Variants in LHFPL3 observed in about 807,000 individuals in gnomAD.
The protein encoded by LHFPL3 is LHFPL tetraspan subfamily member 3, also known as LHFPL tetraspan subfamily member 3 protein.
A neutral mutation model predicts 19.3 loss-of-function variants in LHFPL3; 5 were observed. That is an observed-to-expected ratio of 0.26 (90% CI 0.14 to 0.54). The LOEUF (loss-of-function observed/expected upper bound fraction) is 0.54. LHFPL3 is among the 20% of genes least tolerant of loss of function. The pLI is 0.94. For synonymous variants in LHFPL3, 133 were observed against 126.2 expected (o/e 1.05, Z -0.36); for missense variants, 249 against 307.4 (o/e 0.81, Z 1.42).
chr7:104,368,964 A>G (rs755186576), intron 1 of LHFPL3, among the ~76,000 whole-genome samples: 1 of 152,202 alleles, frequency 6.6e-6, no homozygotes, highest in East Asian at 1.9e-4. Context: ...TACATCTTCT[A>G]TAAACTTATT....
chr7:104,685,120 G>A (rs895124346), intron 1 of LHFPL3, among the ~76,000 whole-genome samples: 9 of 152,090 alleles, frequency 5.9e-5, no homozygotes, highest in East Asian at 1.9e-4. Context: ...AGGCCGAGGC[G>A]GGTGAATCAC....
intron 2 of LHFPL3, among the ~76,000 whole-genome samples, chr7:104,789,588 T>G (rs1789983687): frequency 6.6e-6 from 1 of 152,152 alleles, no homozygotes; most frequent in Non-Finnish European, 1.5e-5. Context: ...GCTCCTATTT[T>G]CGAGTGTCAG....
At chr7:104,720,316 G>T (rs567959380) in intron 1 of LHFPL3, among the ~76,000 whole-genome samples, 2 of 152,306 alleles carry the variant, frequency 1.3e-5, no homozygotes, top group African/African-American at 4.8e-5. Flanking sequence ...AATAAATGGT[G>T]CTGGGAAAAC....
intron 2 of LHFPL3, among the ~76,000 whole-genome samples, chr7:104,835,033 A>G (rs1043431388): frequency 6.6e-6 from 1 of 151,722 alleles, no homozygotes; most frequent in Admixed American, 6.6e-5. Flanking sequence ...TTCTGTTGTG[A>G]ATTTTCCATA....
intron 1 of LHFPL3, among the ~76,000 whole-genome samples, chr7:104,488,533 C>G (rs1463192895): frequency 6.6e-6 from 1 of 152,046 alleles, no homozygotes; most frequent in African/African-American, 2.4e-5. Context: ...TAATCTGTCT[C>G]TCTCTCTCTC....
chr7:104,600,760 T>C lies in LHFPL3; in HGVS notation c.446-135915T>C, dbSNP rs144385124. 4.5e-3 allele frequency among the ~76,000 whole-genome samples: 679 copies of C among 152,332 alleles called. 5 individuals carry two copies. The highest frequency in any genetic ancestry group is 0.015 in the African/African-American group (617 of 41,566). ...AGGGGATGTACTGTTGTTTCATTCA[T>C]TCTTCACAGTGTACCTGTGATTTGG... On this transcript the variant is annotated intron_variant, in intron 1 of 2. Transcript: ENST00000424859.
intron 1 of LHFPL3, among the ~76,000 whole-genome samples, chr7:104,725,523 A>T (rs1352502978): frequency 1.3e-5 from 2 of 152,226 alleles, no homozygotes; most frequent in African/African-American, 4.8e-5. Context: ...CAAATATTTT[A>T]AAATATTCCA....
At chr7:104,777,323 T>G (rs1794651474) in intron 2 of LHFPL3, among the ~76,000 whole-genome samples, 1 of 152,178 alleles carries the variant, frequency 6.6e-6, no homozygotes, top group South Asian at 2.1e-4. Flanking sequence ...CTTAAGTGCT[T>G]GTTGTTTTAC....
chr7:104,393,901 C>T (rs1679127275), intron 1 of LHFPL3, among the ~76,000 whole-genome samples: 1 of 151,902 alleles, frequency 6.6e-6, no homozygotes, highest in Non-Finnish European at 1.5e-5. Flanking sequence ...CAAAATGGAT[C>T]CCTAGAGACA....
chr7:104,760,859 C>A (rs1356185452), intron 2 of LHFPL3, among the ~76,000 whole-genome samples: 1 of 151,978 alleles, frequency 6.6e-6, no homozygotes, highest in Non-Finnish European at 1.5e-5. Context: ...AGGGGCCTTT[C>A]CATTCCTCTT....
intron 1 of LHFPL3, among the ~76,000 whole-genome samples, chr7:104,620,683 T>C (rs1277099522): frequency 6.6e-6 from 1 of 152,162 alleles, no homozygotes; most frequent in Non-Finnish European, 1.5e-5. Context: ...TGATTTCCAC[T>C]TCTGGGTACA....
chr7:104,732,073 T>C (rs1175962025), intron 1 of LHFPL3, among the ~76,000 whole-genome samples: 11 of 152,154 alleles, frequency 7.2e-5, no homozygotes, highest in Admixed American at 2.6e-4. Flanking sequence ...AGGGATGAAG[T>C]CCACTTGATC....
At chr7:104,669,195 G>T (rs1324612005) in intron 1 of LHFPL3, 5 of 1,613,766 alleles carry the variant, frequency 3.1e-6, no homozygotes, top group Non-Finnish European at 2.5e-6. Flanking sequence ...ATGCTTGGGT[G>T]AAGCGAAGTT....
intron 1 of LHFPL3, among the ~76,000 whole-genome samples, chr7:104,730,824 C>T (rs543413573): frequency 6.6e-6 from 1 of 152,262 alleles, no homozygotes; most frequent in South Asian, 2.1e-4. Flanking sequence ...TTTGCCCATG[C>T]CTATGTCCTG....
intron 2 of LHFPL3, among the ~76,000 whole-genome samples, chr7:104,857,470 G>A (rs1791530666): frequency 6.6e-6 from 1 of 152,166 alleles, no homozygotes; most frequent in African/African-American, 2.4e-5. Context: ...ATGAATAAAT[G>A]TGTGCCTCAA....
intron 2 of LHFPL3, among the ~76,000 whole-genome samples, chr7:104,869,908 GC>G (rs1397924283): frequency 6.6e-6 from 1 of 152,196 alleles, no homozygotes; most frequent in Non-Finnish European, 1.5e-5. Context: ...ATAGTATGCA[GC>G]CATAAAAAAT....
At chr7:104,535,903 C>A (rs1030748373) in intron 1 of LHFPL3, among the ~76,000 whole-genome samples, 2 of 152,214 alleles carry the variant, frequency 1.3e-5, no homozygotes, top group Non-Finnish European at 1.5e-5. Context: ...AGAGTGGGAG[C>A]GAGTGCCATC....
intron 2 of LHFPL3, among the ~76,000 whole-genome samples, chr7:104,753,547 T>G (rs1794217773): frequency 6.6e-6 from 1 of 152,034 alleles, no homozygotes; most frequent in Non-Finnish European, 1.5e-5. Flanking sequence ...GCACAAACAA[T>G]AAGGCAAAAA....
chr7:104,736,666 C>T lies in LHFPL3; in HGVS notation c.446-9C>T. Reference sequence around the variant, plus strand: ...TTGTTTCTTTTGTTTTTCTCTCTTTCTCTCCAAGCTGCCTGCCTTGTGCTT... The same window carrying T: ...TTGTTTCTTTTGTTTTTCTCTCTTTTTCTCCAAGCTGCCTGCCTTGTGCTT... On this transcript the variant is annotated splice_polypyrimidine_tract_variant and intron_variant, in intron 1 of 2. Transcript: ENST00000424859. 6.3e-7 allele frequency: 1 copy of T among 1,584,530 alleles called. No individual in the cohort carries two copies. Among genetic ancestry groups the T allele is most frequent in the Non-Finnish European group, 8.6e-7 (1 of 1,157,014 alleles).
Sources: allele counts gnomAD v4.1 joint callset (sites outside exome capture counted in the v4.1 genomes callset), GRCh38; gene constraint gnomAD v4.1.1; transcripts MANE v1.5; gene names NCBI Gene and HGNC (gene_info 2026-07-23, HGNC 2026-07-21).